Variants in PCDHGB3 observed in about 807,000 individuals in gnomAD.
PCDHGB3 encodes the protein protocadherin gamma-B3.
A neutral mutation model predicts 59.2 loss-of-function variants in PCDHGB3; 40 were observed. The observed-to-expected ratio is 0.68, with a 90% CI of 0.52 to 0.88. The LOEUF (loss-of-function observed/expected upper bound fraction) is 0.88, where lower values mean the gene tolerates loss of function less well. Ranked by LOEUF, PCDHGB3 falls within the 40% of genes least tolerant of loss-of-function variation. PCDHGB3 has a pLI of 0.00. For missense variants in PCDHGB3, 1,309 were observed against 1,187.9 expected (o/e 1.10, Z -1.50); for synonymous variants, 581 against 503.6 (o/e 1.15, Z -2.06).
In PCDHGB3 at chr5:141,489,375, G is replaced by A. The variant is rs768190252; in HGVS notation, c.2416-5432G>A. The A allele has an allele frequency of 1.2e-5, 19 of 1,613,826 alleles. No individual in the cohort carries two copies. The Admixed American group carries it at 3.2e-4, about 27-fold the overall frequency. ...AGGAGTCTGAGCCGGGGACGCTGGT[G>A]GGGAATGTTGCTCAGGATCTGGGCT... On this transcript the variant is annotated intron_variant, in intron 1 of 3. Transcript: ENST00000576222. The surrounding 1 kb of genome is among the most constrained non-coding windows in gnomAD (Gnocchi z 4.5).
At chr5:141,416,210 A>G (rs1264276644) in intron 1 of PCDHGB3, 2 of 152,420 alleles carry the variant, frequency 1.3e-5, no homozygotes, top group African/African-American at 4.8e-5. Flanking sequence ...TATTTATAAC[A>G]ATGTATGCTT....
chr5:141,494,927 G>A, intron 2 of PCDHGB3, 62 bp downstream of exon 2: 1 of 1,613,516 alleles, frequency 6.2e-7, no homozygotes, highest in Non-Finnish European at 8.5e-7. Flanking sequence ...GATGACGTGG[G>A]AGGAGATGGG....
intron 1 of PCDHGB3, chr5:141,414,109 G>A: frequency 6.3e-7 from 1 of 1,592,288 alleles, no homozygotes; most frequent in Non-Finnish European, 8.6e-7. Context: ...AGAAAATCTA[G>A]ATTATGAAGA....
intron 1 of PCDHGB3, among the ~76,000 whole-genome samples, chr5:141,436,150 T>A (rs1270913305): frequency 6.6e-6 from 1 of 152,182 alleles, no homozygotes; most frequent in African/African-American, 2.4e-5. Flanking sequence ...ACTACCAAAA[T>A]GTTTATCATA....
intron 1 of PCDHGB3, chr5:141,408,489 G>A: frequency 6.2e-7 from 1 of 1,614,076 alleles, no homozygotes; most frequent in Non-Finnish European, 8.5e-7. Flanking sequence ...GAGCAAATAT[G>A]CAAAGAGAGA....
chr5:141,507,754 C>T (rs1488474557), intron 3 of PCDHGB3, among the ~76,000 whole-genome samples: 7 of 152,242 alleles, frequency 4.6e-5, no homozygotes, highest in Admixed American at 2.0e-4. Flanking sequence ...GTCAAGGCCT[C>T]CCACCTTTGG....
At position 141,491,796 on chromosome 5, in the gene PCDHGB3, C is replaced by T. The variant is rs1487915203; in HGVS notation, c.2416-3011C>T. The stretch of plus-strand genomic sequence containing the variant: ...GATTGAACTTGCATCCACTCCTCTC[C>T]GGCCGGCTTGGTCGCTGGCTGCGCT... On this transcript the variant is annotated intron_variant, in intron 1 of 3. Transcript: ENST00000576222. The surrounding 1 kb of genome is among the most constrained non-coding windows in gnomAD (Gnocchi z 6.9). 6.6e-7 allele frequency: 1 copy of T among 1,509,866 alleles called. No homozygotes were observed. The highest frequency in any genetic ancestry group is 2.4e-5 in the Admixed American group (1 of 42,218). The allele number at this position is 1,509,866 out of a possible 1,614,324, so 93.5% of individuals were successfully genotyped here. A position where few individuals can be genotyped will look rare whatever the true frequency, so the allele number is the denominator to read the frequency against.
At chr5:141,480,195 G>A (rs1350891459) in intron 1 of PCDHGB3, among the ~76,000 whole-genome samples, 1 of 151,182 alleles carries the variant, frequency 6.6e-6, no homozygotes, top group Non-Finnish European at 1.5e-5. Context: ...CTTGAGGCCA[G>A]CAGTTCAAGA....
chr5:141,423,332 C>G, intron 1 of PCDHGB3: 2 of 1,614,198 alleles, frequency 1.2e-6, no homozygotes, highest in Non-Finnish European at 1.7e-6. Flanking sequence ...GCCGCAGTCT[C>G]CTGCATCTTC....
rs1779505290 is a variant in PCDHGB3, at chr5:141,383,837, C to A, written c.2415+11028C>A. On this transcript the variant is annotated intron_variant, in intron 1 of 3. Transcript: ENST00000576222. ...GAAGGATTAGATTATGAAGAAACTG[C>A]CTTCTATGAAATGGAGGTTCAGGCT... 1 of 1,613,886 alleles carries A rather than the reference C, an allele frequency of 6.2e-7. No homozygotes were observed. The highest frequency in any genetic ancestry group is 1.1e-5 in the South Asian group (1 of 91,078).
At position 141,431,851 on chromosome 5, in the gene PCDHGB3, A is replaced by G. The variant is rs2097423722; in HGVS notation, c.2415+59042A>G. 1 of 1,614,264 alleles carries G rather than the reference A, an allele frequency of 6.2e-7. No individual in the cohort carries two copies. The highest frequency in any genetic ancestry group is 1.1e-5 in the South Asian group (1 of 91,088). ...TTCCCGAAAACTCTCCCAGAGGGAC[A>G]TTAATTGCCCTTTTAAATGTAAATG... On this transcript the variant is annotated intron_variant, in intron 1 of 3. Coordinates refer to ENST00000576222, the MANE Select transcript of PCDHGB3 (RefSeq NM_018924.5). This position sits in a 1 kb window ranked among gnomAD's most constrained non-coding sequence, Gnocchi z 4.8.
chr5:141,500,186 T>A (rs1008615587), intron 2 of PCDHGB3, among the ~76,000 whole-genome samples: 7 of 99,362 alleles, frequency 7.0e-5, no homozygotes, highest in African/African-American at 3.5e-4. Flanking sequence ...ATTTTTATTT[T>A]TATTTATTTA....
At chr5:141,497,540 C>T (rs866982821) in intron 2 of PCDHGB3, among the ~76,000 whole-genome samples, 5 of 134,944 alleles carry the variant, frequency 3.7e-5, no homozygotes, top group African/African-American at 1.1e-4. Context: ...TGCAACAAAC[C>T]TTTTTTTTTT....
In PCDHGB3 at chr5:141,435,189, G is replaced by A. The variant is rs569176993; in HGVS notation, c.2416-59618G>A. Among the ~76,000 whole-genome samples the A allele has an allele frequency of 5.3e-5, 8 of 152,166 alleles. No homozygotes were observed. The South Asian group carries it at 8.3e-4, about 16-fold the overall frequency. On this transcript the variant is annotated intron_variant, in intron 1 of 3. Coordinates refer to ENST00000576222, the MANE Select transcript of PCDHGB3 (RefSeq NM_018924.5). ...GTGGCTTTTAACTACACTTGAGATGGCTAGCAAATTCATAAAGTGAATTTA... is the reference window on the plus strand; with the variant it reads ...GTGGCTTTTAACTACACTTGAGATGACTAGCAAATTCATAAAGTGAATTTA...
intron 1 of PCDHGB3, chr5:141,405,325 G>A: frequency 5.6e-6 from 9 of 1,614,170 alleles, no homozygotes; most frequent in African/African-American, 1.3e-5. Context: ...ATGAGCCTTT[G>A]TGCGTCTCTG....
chr5:141,486,522 A>G lies in PCDHGB3; in HGVS notation c.2416-8285A>G. 1 of 1,614,174 alleles carries G rather than the reference A, an allele frequency of 6.2e-7. No homozygotes were observed. Among genetic ancestry groups the G allele is most frequent in the Non-Finnish European group, 8.5e-7 (1 of 1,180,024 alleles). On this transcript the variant is annotated intron_variant, in intron 1 of 3. Transcript: ENST00000576222. The surrounding 1 kb of genome is among the most constrained non-coding windows in gnomAD (Gnocchi z 5.0). The stretch of plus-strand genomic sequence containing the variant: ...TTCCTCAATATTTCAGATGTGAATG[A>G]TAATCCACCCTCTTTCTTTCAGAGG...
chr5:141,496,342 G>A (rs1430202202), intron 2 of PCDHGB3, among the ~76,000 whole-genome samples: 1 of 152,208 alleles, frequency 6.6e-6, no homozygotes, highest in East Asian at 1.9e-4. Context: ...GAGCCTGGAG[G>A]AGTCTCAGAG....
intron 1 of PCDHGB3, chr5:141,390,108 A>G (rs1450933158): frequency 6.2e-7 from 1 of 1,614,030 alleles, no homozygotes; most frequent in Non-Finnish European, 8.5e-7. Context: ...CCCCAACTAC[A>G]GCGAGGGGAC....
intron 3 of PCDHGB3, among the ~76,000 whole-genome samples, chr5:141,507,898 C>T (rs577177417): frequency 1.3e-5 from 2 of 152,310 alleles, no homozygotes; most frequent in East Asian, 1.9e-4. Flanking sequence ...TTCCTGAAGT[C>T]CAGCCCAGCC....
Sources: allele counts gnomAD v4.1 joint callset (sites outside exome capture counted in the v4.1 genomes callset), GRCh38; gene constraint gnomAD v4.1.1; non-coding constraint Gnocchi (gnomAD v3.1); transcripts MANE v1.5; gene names NCBI Gene and HGNC (gene_info 2026-07-23, HGNC 2026-07-21).